CUL3: variants seen among roughly 807,000 people sequenced by gnomAD.
CUL3 encodes cullin 3.
Under a neutral mutation model 89.1 loss-of-function variants are expected in CUL3, and 19 were observed. That is an observed-to-expected ratio of 0.21 (90% CI 0.15 to 0.31). The LOEUF is 0.31. CUL3 is among the 10% of genes least tolerant of loss of function. The pLI, the probability that CUL3 is intolerant of heterozygous loss-of-function variation, is 1.00. For missense variants in CUL3, 469 were observed against 942.3 expected (o/e 0.50, Z 6.58); for synonymous variants, 351 against 308.4 (o/e 1.14, Z -1.45).
At chr2:224,488,942 G>T (rs1691847199) in intron 13 of CUL3, among the ~76,000 whole-genome samples, 1 of 152,186 alleles carries the variant, frequency 6.6e-6, no homozygotes, top group Non-Finnish European at 1.5e-5. Context: ...TCCCTGGGAT[G>T]CAAGGCTGGT....
At chr2:224,531,733 G>A (rs1168231128) in intron 3 of CUL3, among the ~76,000 whole-genome samples, 1 of 151,954 alleles carries the variant, frequency 6.6e-6, no homozygotes, top group Non-Finnish European at 1.5e-5. Flanking sequence ...AGTAGAGCAA[G>A]TGACATTAAA....
chr2:224,476,110 G>A (rs773308895), intron 15 of CUL3, among the ~76,000 whole-genome samples: 4 of 151,142 alleles, frequency 2.6e-5, no homozygotes, highest in East Asian at 1.9e-4. Context: ...TGCAACCTTC[G>A]CCTCCCAGCT....
At chr2:224,512,820 T>C (rs1392581096) in intron 5 of CUL3, among the ~76,000 whole-genome samples, 4 of 152,206 alleles carry the variant, frequency 2.6e-5, no homozygotes, top group East Asian at 1.9e-4. Context: ...ATATTAGATA[T>C]AGTAAAAAGT....
intron 1 of CUL3, among the ~76,000 whole-genome samples, chr2:224,560,994 C>T (rs566157134): frequency 6.6e-6 from 1 of 152,290 alleles, no homozygotes; most frequent in East Asian, 1.9e-4. Flanking sequence ...ATGTTCTTCC[C>T]TCAGTTTCCT....
At chr2:224,519,636 A>T (rs2106234119) in intron 3 of CUL3, among the ~76,000 whole-genome samples, 1 of 152,328 alleles carries the variant, frequency 6.6e-6, no homozygotes, top group South Asian at 2.1e-4. Context: ...TAATAGTAAT[A>T]CTAAATAATC....
chr2:224,554,410 CAGTA>C (rs1023450072), intron 2 of CUL3, among the ~76,000 whole-genome samples: 4 of 152,154 alleles, frequency 2.6e-5, no homozygotes, highest in Non-Finnish European at 5.9e-5. Context: ...GGTTTACAGA[CAGTA>C]AGTCCATTAA....
intron 13 of CUL3, among the ~76,000 whole-genome samples, chr2:224,492,946 G>C (rs150685411): frequency 8.5e-4 from 129 of 152,178 alleles, no homozygotes; most frequent in Non-Finnish European, 1.6e-3. Flanking sequence ...CACATGAAAA[G>C]GCCCATGTGC....
At chr2:224,498,864 C>T (rs1285315981) in intron 11 of CUL3, among the ~76,000 whole-genome samples, 1 of 152,106 alleles carries the variant, frequency 6.6e-6, no homozygotes, top group African/African-American at 2.4e-5. Context: ...ATTTATGAAG[C>T]TACAAGTCAA....
At chr2:224,503,585 GTTGT>G (rs1378927156) in intron 9 of CUL3, 63 bp downstream of exon 9, 203 of 1,244,234 alleles carry the variant, frequency 1.6e-4, no homozygotes, top group Non-Finnish European at 1.9e-4. Flanking sequence ...TTCCAATCAC[GTTGT>G]CAGTACACAA....
In CUL3 at chr2:224,473,990, C is replaced by A; in HGVS notation, c.*255G>T. ...TCCTGTTTTCATACAGTAAAGAAAA[C>A]AAAACGCAGCACATTCACATTTTCC... is the stretch of plus-strand genomic sequence containing the variant. On this transcript the variant is annotated 3_prime_UTR_variant, in exon 16 of 16. Transcript: ENST00000264414. 3.2e-6 allele frequency: 1 copy of A among 309,142 alleles called. No homozygotes were observed. The highest frequency in any genetic ancestry group is 6.0e-6 in the Non-Finnish European group (1 of 167,958). The allele number at this position is 309,142 out of a possible 1,614,324, so 19.1% of individuals were successfully genotyped here.
At chr2:224,478,371 C>G (rs2106143772) in intron 14 of CUL3, 26 bp from the exon 15 acceptor site, 1 of 1,586,814 alleles carries the variant, frequency 6.3e-7, no homozygotes, top group South Asian at 1.2e-5. Context: ...AGACATTTAT[C>G]ATAAATCTAA....
intron 2 of CUL3, among the ~76,000 whole-genome samples, chr2:224,541,869 T>G (rs1244246161): frequency 6.6e-6 from 1 of 152,036 alleles, no homozygotes; most frequent in African/African-American, 2.4e-5. Context: ...AGTGTTAAGA[T>G]AGCAGATCAG....
At chr2:224,478,390 T>C in intron 14 of CUL3, 45 bp from the exon 15 acceptor site, 12 of 1,575,790 alleles carry the variant, frequency 7.6e-6, no homozygotes, top group Non-Finnish European at 9.5e-6. Flanking sequence ...AATTTTAAAA[T>C]TTGGTTTATA....
intron 3 of CUL3, among the ~76,000 whole-genome samples, chr2:224,531,219 T>C (rs1173552068): frequency 6.6e-6 from 1 of 151,644 alleles, no homozygotes; most frequent in Non-Finnish European, 1.5e-5. Flanking sequence ...TCCGAGTAGC[T>C]GGCATCATAG....
At chr2:224,482,390 A>T (rs1046497194) in intron 13 of CUL3, among the ~76,000 whole-genome samples, 2 of 152,172 alleles carry the variant, frequency 1.3e-5, no homozygotes, top group African/African-American at 4.8e-5. Context: ...TTAGGTAAAA[A>T]TAAAGTGTTA....
intron 2 of CUL3, among the ~76,000 whole-genome samples, chr2:224,556,958 T>TAA (rs1694731319): frequency 6.6e-6 from 1 of 152,170 alleles, no homozygotes; most frequent in South Asian, 2.1e-4. Context: ...AAATAAAACT[T>TAA]AAAAAATAAA....
At chr2:224,555,745 T>C (rs895848317) in intron 2 of CUL3, among the ~76,000 whole-genome samples, 4 of 152,196 alleles carry the variant, frequency 2.6e-5, no homozygotes, top group Admixed American at 1.3e-4. Flanking sequence ...ACTGTTCATA[T>C]ATATCCCAAA....
intron 2 of CUL3, among the ~76,000 whole-genome samples, chr2:224,546,356 C>CA (rs34318551): frequency 6.6e-6 from 1 of 151,660 alleles, no homozygotes. Context: ...ACTTCAATCT[C>CA]AAAAAAACAG....
chr2:224,572,364 T>C (rs148686691), intron 1 of CUL3, among the ~76,000 whole-genome samples: 145 of 152,082 alleles, frequency 9.5e-4, no homozygotes, highest in African/African-American at 3.4e-3. Context: ...GGTACGGCAA[T>C]GCAGGTGCAG....
Sources: gnomAD v4.1 joint callset for allele counts (sites outside exome capture counted in the v4.1 genomes callset) on GRCh38, gnomAD v4.1.1 for gene constraint, MANE v1.5 for transcripts, NCBI Gene and HGNC (gene_info 2026-07-23, HGNC 2026-07-21) for gene names.